PRKN: variants seen among roughly 807,000 people sequenced by gnomAD.
PRKN encodes parkin RBR E3 ubiquitin protein ligase, also known as E3 ubiquitin-protein ligase parkin.
PRKN carries 56 observed loss-of-function variants against 59.5 expected under a neutral mutation model. The ratio of observed to expected loss-of-function variants is 0.94; its 90% CI spans 0.76 to 1.18. PRKN has a LOEUF of 1.18. Among genes scored for constraint, PRKN ranks in the 50% most tolerant of loss-of-function variants. PRKN has a pLI of 0.00. For synonymous variants in PRKN, 250 were observed against 222.1 expected, an observed-to-expected ratio of 1.13 and a Z score of -1.12; for missense variants, 657 against 596.4, an observed-to-expected ratio of 1.10 and a Z score of -1.06.
chr6:162,509,935 T>C (rs1294686444), intron 1 of PRKN, among the ~76,000 whole-genome samples: 4 of 151,996 alleles, frequency 2.6e-5, no homozygotes, highest in South Asian at 2.1e-4. Context: ...CAAAAGAAAA[T>C]AGGCAACTCC....
At position 161,554,570 on chromosome 6, in the gene PRKN, C is replaced by T. The variant is rs923789055; in HGVS notation, c.934-5567G>A. 6.6e-6 allele frequency among the ~76,000 whole-genome samples: 1 copy of T among 151,894 alleles called. No individual in the cohort carries two copies. Among genetic ancestry groups the T allele is most frequent in the Non-Finnish European group, 1.5e-5 (1 of 67,958 alleles). On this transcript the variant is annotated intron_variant, in intron 8 of 11. Coordinates refer to ENST00000366898, the MANE Select transcript of PRKN (RefSeq NM_004562.3). The surrounding 1 kb of genome is among the most constrained non-coding windows in gnomAD (Gnocchi z 4.5). ...CAGTCACTGAGTTCTTCCATAGTAA[C>T]AGTTTATTTAGGGCTTTTATTCTTG...
chr6:161,844,544 G>T (rs1422426199), intron 6 of PRKN, among the ~76,000 whole-genome samples: 1 of 152,196 alleles, frequency 6.6e-6, no homozygotes, highest in Admixed American at 6.5e-5. Flanking sequence ...GGCTGCATGT[G>T]GCTGTTGAAC....
At chr6:162,125,172 A>G (rs1003587118) in intron 4 of PRKN, among the ~76,000 whole-genome samples, 2 of 152,184 alleles carry the variant, frequency 1.3e-5, no homozygotes, top group Non-Finnish European at 2.9e-5. Flanking sequence ...AGAAACGGGA[A>G]AAACGCTGCC....
chr6:161,969,537 G>GAGGTGGTT (rs1347385702), intron 6 of PRKN, among the ~76,000 whole-genome samples: 3 of 152,064 alleles, frequency 2.0e-5, no homozygotes, highest in Non-Finnish European at 4.4e-5. Context: ...AGGAAACCTA[G>GAGGTGGTT]AGGTGGTTAG....
chr6:161,961,492 A>G (rs987617167), intron 6 of PRKN, among the ~76,000 whole-genome samples: 9 of 152,184 alleles, frequency 5.9e-5, no homozygotes, highest in African/African-American at 2.2e-4. Flanking sequence ...GCCAAGTATT[A>G]TAAAAGAATC....
At position 162,257,056 on chromosome 6, in the gene PRKN, C is replaced by T. The variant is rs1779666468; in HGVS notation, c.412+5469G>A. Among the ~76,000 whole-genome samples the T allele has an allele frequency of 2.6e-5, 4 of 152,352 alleles. No individual in the cohort carries two copies. In the South Asian group the frequency reaches 8.3e-4, roughly 32 times the overall value. Reference sequence around the variant, plus strand: ...AACAAAAGCACAAGGTAGACGGGGCCAGCCTCAGCCTGTGCTGCCCCGGCA... The same window carrying T: ...AACAAAAGCACAAGGTAGACGGGGCTAGCCTCAGCCTGTGCTGCCCCGGCA... On this transcript the variant is annotated intron_variant, in intron 3 of 11. Coordinates refer to ENST00000366898, the MANE Select transcript of PRKN (RefSeq NM_004562.3).
At chr6:162,421,143 T>C (rs1788939590) in intron 2 of PRKN, among the ~76,000 whole-genome samples, 1 of 152,164 alleles carries the variant, frequency 6.6e-6, no homozygotes, top group Non-Finnish European at 1.5e-5. Context: ...TCATTAATAA[T>C]TGAGAGGAAA....
intron 2 of PRKN, among the ~76,000 whole-genome samples, chr6:162,376,575 G>T (rs910159099): frequency 2.6e-5 from 4 of 151,282 alleles, no homozygotes. Flanking sequence ...GAATACCTGG[G>T]GCCAGGGGCC....
intron 5 of PRKN, among the ~76,000 whole-genome samples, chr6:162,018,909 T>C (rs6415087): frequency 0.81 from 123,508 of 151,774 alleles, 50,873 homozygotes; most frequent in African/African-American, 0.95. Context: ...ATTATTATTT[T>C]CTCATAATTT....
Position 161,471,485 on chromosome 6 carries a change from C to A in PRKN, c.1083+77369G>T, listed in dbSNP as rs189989571. 9.2e-5 allele frequency among the ~76,000 whole-genome samples: 14 copies of A among 152,148 alleles called. No individual in the cohort carries two copies. The highest frequency in any genetic ancestry group is 3.1e-4 in the African/African-American group (13 of 41,514). On this transcript the variant is annotated intron_variant, in intron 9 of 11. Coordinates refer to ENST00000366898, the MANE Select transcript of PRKN (RefSeq NM_004562.3). The surrounding 1 kb of genome is among the most constrained non-coding windows in gnomAD (Gnocchi z 4.5). ...AAATCAAAACAACAAATCTTCAAGA[C>A]ATGAAAAAGAAAGAAATGGAGAAAT...
At chr6:161,809,753 A>G (rs1791485128) in intron 6 of PRKN, among the ~76,000 whole-genome samples, 1 of 152,206 alleles carries the variant, frequency 6.6e-6, no homozygotes, top group South Asian at 2.1e-4. Context: ...CTGAAAAACT[A>G]CAAGAGACAA....
intron 1 of PRKN, among the ~76,000 whole-genome samples, chr6:162,688,812 T>C (rs540076138): frequency 2.0e-5 from 3 of 152,342 alleles, no homozygotes; most frequent in Non-Finnish European, 4.4e-5. Flanking sequence ...TCAAGTTCTA[T>C]AAACAGGACT....
intron 7 of PRKN, among the ~76,000 whole-genome samples, chr6:161,573,613 G>C (rs2115491392): frequency 6.8e-6 from 1 of 147,916 alleles, no homozygotes; most frequent in Non-Finnish European, 1.5e-5. Context: ...CCAGCTACTC[G>C]GGAGGCTGAG....
intron 7 of PRKN, among the ~76,000 whole-genome samples, chr6:161,684,466 T>A (rs1167886197): frequency 6.6e-6 from 1 of 152,104 alleles, no homozygotes; most frequent in African/African-American, 2.4e-5. Flanking sequence ...TTCTCCCCAA[T>A]TGACTAAGAA....
At chr6:162,589,547 A>C (rs1016863164) in intron 1 of PRKN, among the ~76,000 whole-genome samples, 1 of 152,028 alleles carries the variant, frequency 6.6e-6, no homozygotes, top group Admixed American at 6.6e-5. Context: ...TTTAAATTTA[A>C]CTTTTAAAAT....
At chr6:161,443,127 GA>G (rs1562453003) in intron 9 of PRKN, among the ~76,000 whole-genome samples, 1 of 152,046 alleles carries the variant, frequency 6.6e-6, no homozygotes. Flanking sequence ...GACCAACATG[GA>G]AAAACCCCAT....
rs1168578763 is a variant in PRKN at position 161,547,535 on chromosome 6, T to A, written c.1083+1319A>T. Reference sequence around the variant, plus strand: ...CTCTACCTCCTAAGAAAAGTTAAAATCTTAAAATCCAGCTTTAGAGGATGG... The same window carrying A: ...CTCTACCTCCTAAGAAAAGTTAAAAACTTAAAATCCAGCTTTAGAGGATGG... On this transcript the variant is annotated intron_variant, in intron 9 of 11. Transcript: ENST00000366898. This position sits in a 1 kb window ranked among gnomAD's most constrained non-coding sequence, Gnocchi z 4.0. Among the ~76,000 whole-genome samples, 1 of 152,182 alleles carries A rather than the reference T, an allele frequency of 6.6e-6. No homozygotes were observed. The highest frequency in any genetic ancestry group is 1.5e-5 in the Non-Finnish European group (1 of 68,024).
intron 1 of PRKN, among the ~76,000 whole-genome samples, chr6:162,573,169 G>A (rs1780419794): frequency 6.6e-6 from 1 of 152,144 alleles, no homozygotes; most frequent in Non-Finnish European, 1.5e-5. Flanking sequence ...CAGAAAATGA[G>A]TTCCAAGCCT....
At chr6:161,450,076 A>G (rs1789661039) in intron 9 of PRKN, among the ~76,000 whole-genome samples, 1 of 152,168 alleles carries the variant, frequency 6.6e-6, no homozygotes, top group Non-Finnish European at 1.5e-5. Context: ...ATACATGGGG[A>G]ACTGAAAATA....
Sources: gnomAD v4.1 joint callset for allele counts (sites outside exome capture counted in the v4.1 genomes callset) on GRCh38, gnomAD v4.1.1 for gene constraint, Gnocchi (gnomAD v3.1) non-coding constraint, MANE v1.5 for transcripts, NCBI Gene and HGNC (gene_info 2026-07-23, HGNC 2026-07-21) for gene names.